Variants in ADAMTSL1 observed in about 807,000 individuals in gnomAD.
The protein encoded by ADAMTSL1 is ADAMTS-like protein 1.
A neutral mutation model predicts 201.8 loss-of-function variants in ADAMTSL1; 126 were observed. The observed-to-expected ratio is 0.62, with a 90% CI of 0.54 to 0.72. The LOEUF (loss-of-function observed/expected upper bound fraction) is 0.72, where lower values mean the gene tolerates loss of function less well. ADAMTSL1 is among the 30% of genes least tolerant of loss of function. ADAMTSL1 has a pLI of 0.00. For missense variants in ADAMTSL1, 2,679 were observed against 2,277.8 expected, an observed-to-expected ratio of 1.18 and a Z score of -3.59; for synonymous variants, 1,121 against 903.4, an observed-to-expected ratio of 1.24 and a Z score of -4.32.
chr9:18,371,655 C>A (rs1159062295), intron 2 of ADAMTSL1, among the ~76,000 whole-genome samples: 1 of 151,922 alleles, frequency 6.6e-6, no homozygotes, highest in African/African-American at 2.4e-5. Context: ...AAATACATGC[C>A]CCTAAAAATT....
intron 1 of ADAMTSL1, among the ~76,000 whole-genome samples, chr9:17,985,250 C>A (rs1482711187): frequency 2.0e-5 from 3 of 152,074 alleles, no homozygotes; most frequent in African/African-American, 7.2e-5. Context: ...ATGATGTAAT[C>A]ACCCTATTCA....
intron 2 of ADAMTSL1, among the ~76,000 whole-genome samples, chr9:18,301,587 A>T (rs1212668036): frequency 1.3e-5 from 2 of 152,208 alleles, no homozygotes; most frequent in Non-Finnish European, 2.9e-5. Context: ...CTATAATAAA[A>T]GTCATGTGAA....
At chr9:18,784,218 CA>C (rs1274974525) in intron 19 of ADAMTSL1, among the ~76,000 whole-genome samples, 8 of 152,210 alleles carry the variant, frequency 5.3e-5, no homozygotes, top group Non-Finnish European at 1.0e-4. Context: ...CCATCATCCA[CA>C]TAGTACCCTA....
intron 13 of ADAMTSL1, 99 bp from the exon 14 acceptor site, chr9:18,706,648 C>G (rs1298002381): frequency 1.6e-6 from 2 of 1,265,804 alleles, no homozygotes; most frequent in Non-Finnish European, 2.2e-6. Context: ...TGGGACAGCT[C>G]TGGGCACTGG....
rs184907620 is a variant in ADAMTSL1, at chr9:17,927,339, C to T, written c.87+20417C>T. 3.9e-5 allele frequency among the ~76,000 whole-genome samples: 6 copies of T among 152,086 alleles called. No individual in the cohort carries two copies. The East Asian group carries it at 9.7e-4, about 25-fold the overall frequency. The stretch of plus-strand genomic sequence containing the variant: ...ACATAAATGCACACATACATATACA[C>T]ATATATGTACATGTACATATATACA... On this transcript the variant is annotated intron_variant, in intron 1 of 29. Transcript: ENST00000680146.
intron 1 of ADAMTSL1, among the ~76,000 whole-genome samples, chr9:18,063,138 G>A (rs1822535270): frequency 6.6e-6 from 1 of 152,142 alleles, no homozygotes; most frequent in African/African-American, 2.4e-5. Flanking sequence ...AGACCAGCCT[G>A]AGGCCAGGAG....
intron 1 of ADAMTSL1, among the ~76,000 whole-genome samples, chr9:18,133,925 C>T (rs1029577872): frequency 1.3e-5 from 2 of 152,122 alleles, no homozygotes; most frequent in African/African-American, 4.8e-5. Flanking sequence ...TCAACAAATA[C>T]ATAACTTCTT....
intron 26 of ADAMTSL1, 93 bp from the exon 27 acceptor site, chr9:18,905,689 C>A: frequency 1.1e-6 from 1 of 933,820 alleles, no homozygotes; most frequent in Non-Finnish European, 1.7e-6. Context: ...ACAAGACCTA[C>A]ACAAGGATCG....
At chr9:18,430,375 T>C (rs534317703) in intron 2 of ADAMTSL1, among the ~76,000 whole-genome samples, 8 of 152,180 alleles carry the variant, frequency 5.3e-5, no homozygotes, top group Non-Finnish European at 1.0e-4. Flanking sequence ...AAGTTCAGCA[T>C]TACTCACTCT....
At chr9:18,284,435 T>C (rs1017695149) in intron 2 of ADAMTSL1, among the ~76,000 whole-genome samples, 3 of 152,204 alleles carry the variant, frequency 2.0e-5, no homozygotes, top group African/African-American at 7.2e-5. Context: ...TTATATCATA[T>C]ACATTTTTGA....
intron 1 of ADAMTSL1, among the ~76,000 whole-genome samples, chr9:17,963,790 T>G (rs1213616463): frequency 6.6e-6 from 1 of 152,158 alleles, no homozygotes; most frequent in Non-Finnish European, 1.5e-5. Context: ...TTTTTTGTTT[T>G]TGTTGAAAGA....
intron 1 of ADAMTSL1, among the ~76,000 whole-genome samples, chr9:17,932,261 G>A (rs1826827552): frequency 6.6e-6 from 1 of 152,162 alleles, no homozygotes; most frequent in Admixed American, 6.6e-5. Context: ...AGCCACATCT[G>A]TTGAGACCTG....
At chr9:18,230,287 C>T (rs1587359267) in intron 2 of ADAMTSL1, among the ~76,000 whole-genome samples, 1 of 152,118 alleles carries the variant, frequency 6.6e-6, no homozygotes. Context: ...TAACTGCATG[C>T]TTTTCCTGGA....
In ADAMTSL1 at chr9:18,886,980, C is replaced by T. The variant is rs773684353; in HGVS notation, c.4250-851C>T. Among the ~76,000 whole-genome samples the T allele has an allele frequency of 8.0e-5, 12 of 150,598 alleles. 1 individual carries two copies. In the Middle Eastern group the frequency reaches 0.01, roughly 128 times the overall value. On this transcript the variant is annotated intron_variant, in intron 23 of 28. Coordinates refer to ENST00000380548, the MANE Select transcript of ADAMTSL1 (RefSeq NM_001040272.6). ...TTAACTGTCCCCAGAGCAGTAGGTA[C>T]CAAACAGATGTTTTTCTAAGTGAAC...
chr9:18,025,191 T>G (rs932224887), intron 1 of ADAMTSL1, among the ~76,000 whole-genome samples: 2 of 152,182 alleles, frequency 1.3e-5, no homozygotes, highest in African/African-American at 4.8e-5. Context: ...TTGTAAATAC[T>G]TCTCCCATTT....
intron 20 of ADAMTSL1, among the ~76,000 whole-genome samples, chr9:18,816,779 T>C (rs1823880604): frequency 6.7e-6 from 1 of 150,116 alleles, no homozygotes; most frequent in Non-Finnish European, 1.5e-5. Context: ...AAATTTAATT[T>C]AATTTTAAAA....
At chr9:18,385,623 T>C (rs1166798742) in intron 2 of ADAMTSL1, among the ~76,000 whole-genome samples, 4 of 152,190 alleles carry the variant, frequency 2.6e-5, no homozygotes, top group Non-Finnish European at 5.9e-5. Flanking sequence ...CAAAAGCTTT[T>C]AGTAATGTTA....
intron 3 of ADAMTSL1, among the ~76,000 whole-genome samples, chr9:18,573,774 A>G (rs918893678): frequency 3.3e-5 from 5 of 152,194 alleles, no homozygotes; most frequent in Admixed American, 2.0e-4. Context: ...TAATCAGAAT[A>G]TCTATTTCAA....
chr9:18,415,213 G>T (rs972569237), intron 2 of ADAMTSL1, among the ~76,000 whole-genome samples: 2 of 152,140 alleles, frequency 1.3e-5, no homozygotes, highest in Non-Finnish European at 2.9e-5. Context: ...AATATAACCC[G>T]TAAAAAAGGA....
Sources: gnomAD v4.1 joint callset for allele counts (sites outside exome capture counted in the v4.1 genomes callset) on GRCh38, gnomAD v4.1.1 for gene constraint, MANE v1.5 for transcripts, NCBI Gene and HGNC (gene_info 2026-07-23, HGNC 2026-07-21) for gene names.